Variants in CTBP2 observed in about 807,000 individuals in gnomAD.
CTBP2 encodes C-terminal-binding protein 2.
CTBP2 carries 30 observed loss-of-function variants against 80.3 expected under a neutral mutation model. The observed-to-expected ratio is 0.37, with a 90% confidence interval of 0.28 to 0.51. CTBP2 has a LOEUF of 0.51. CTBP2 is among the 20% of genes least tolerant of loss of function. The pLI, the probability that CTBP2 is intolerant of heterozygous loss-of-function variation, is 0.93. For missense variants in CTBP2, 1,212 were observed against 1,375.3 expected (o/e 0.88, Z 1.88); for synonymous variants, 594 against 587.4 (o/e 1.01, Z -0.16).
chr10:125,107,287 G>A (rs574672257), intron 2 of CTBP2, among the ~76,000 whole-genome samples: 4 of 152,170 alleles, frequency 2.6e-5, no homozygotes, highest in African/African-American at 7.2e-5. Context: ...TTGTGGTTTC[G>A]GATGTTGGCA....
chr10:125,003,005 C>T lies in CTBP2; in HGVS notation c.1933G>A (p.Gly645Ser), dbSNP rs1954739427. 6.2e-7 allele frequency: 1 copy of T among 1,613,960 alleles called. No homozygotes were observed. Among genetic ancestry groups the T allele is most frequent in the Non-Finnish European group, 8.5e-7 (1 of 1,180,014 alleles). ...ATGTCCACGTTGTCATAGCCACTGC[C>T]TATCCGCACGATCACTCTCAGGGCC... Residue 645 changes from glycine (G) to serine (S), a missense_variant, in exon 3 of 9, where the codon GGC becomes AGC. By Grantham distance (56) the Gly-to-Ser change is moderately conservative. Around this residue, in one of 3 missense-constraint regions of CTBP2, gnomAD observed 335 missense variants for 504.7 expected, o/e 0.66. Transcript: ENST00000309035.
intron 2 of CTBP2, among the ~76,000 whole-genome samples, chr10:125,110,596 T>C (rs1208393503): frequency 1.3e-5 from 2 of 152,226 alleles, no homozygotes; most frequent in Non-Finnish European, 2.9e-5. Context: ...CTATCACTTA[T>C]GACTGACTCG....
chr10:125,118,666 A>G (rs1276092343), intron 1 of CTBP2, among the ~76,000 whole-genome samples: 2 of 140,106 alleles, frequency 1.4e-5, no homozygotes, highest in Non-Finnish European at 3.1e-5. Context: ...CTACTTACAG[A>G]CAAGCCAGGA....
intron 2 of CTBP2, among the ~76,000 whole-genome samples, chr10:125,103,893 C>G (rs1292864827): frequency 6.6e-6 from 1 of 152,168 alleles, no homozygotes; most frequent in Non-Finnish European, 1.5e-5. Flanking sequence ...TGAAGAGCCT[C>G]TCCCCCTACA....
chr10:125,005,886 G>A (rs929661925), intron 1 of CTBP2: 4 of 1,530,904 alleles, frequency 2.6e-6, no homozygotes, highest in Admixed American at 4.1e-5. Context: ...GGTTATCGGA[G>A]AGAGTGCCTG....
intron 1 of CTBP2, among the ~76,000 whole-genome samples, chr10:125,017,105 G>T (rs1956574325): frequency 6.6e-6 from 1 of 152,190 alleles, no homozygotes; most frequent in Non-Finnish European, 1.5e-5. Flanking sequence ...AACCCCGGGG[G>T]AAGTCAGCGC....
intron 1 of CTBP2, among the ~76,000 whole-genome samples, chr10:125,145,384 C>T (rs1014569501): frequency 6.6e-6 from 1 of 152,118 alleles, no homozygotes; most frequent in East Asian, 1.9e-4. Flanking sequence ...CTTTTGAGCA[C>T]CCCCAACCCC....
rs760489730 is a variant in CTBP2, at chr10:125,003,010, C to T, written c.1928G>A (p.Arg643Gln). The change falls in exon 3 of 9, where the codon CGG becomes CAG. Residue 643 changes from arginine to glutamine, a missense_variant. Around this residue, in one of 3 missense-constraint regions of CTBP2, gnomAD observed 335 missense variants for 504.7 expected, o/e 0.66. Transcript: ENST00000309035. Reference sequence around the variant, plus strand: ...CACGTTGTCATAGCCACTGCCTATCCGCACGATCACTCTCAGGGCCTTGAA... The same window carrying T: ...CACGTTGTCATAGCCACTGCCTATCTGCACGATCACTCTCAGGGCCTTGAA... 3.1e-6 allele frequency: 5 copies of T among 1,613,976 alleles called. No individual in the cohort carries two copies. Among genetic ancestry groups the T allele is most frequent in the Non-Finnish European group, 2.5e-6 (3 of 1,180,022 alleles).
At chr10:125,051,377 C>A (rs538321858) in intron 2 of CTBP2, among the ~76,000 whole-genome samples, 10 of 152,204 alleles carry the variant, frequency 6.6e-5, no homozygotes, top group African/African-American at 2.4e-4. Flanking sequence ...TGGTGGCTCA[C>A]GCCTGTAATC....
intron 2 of CTBP2, among the ~76,000 whole-genome samples, chr10:125,093,617 C>T (rs1308837439): frequency 2.0e-5 from 3 of 152,190 alleles, no homozygotes; most frequent in Admixed American, 6.5e-5. Context: ...TCCCTTCTTT[C>T]GACACAGCTG....
In CTBP2 at chr10:125,045,517, C is replaced by G. The variant is rs532102491; in HGVS notation, c.-101-6362G>C. On this transcript the variant is annotated intron_variant, in intron 2 of 10. Transcript: ENST00000337195. ...TGCCCTAAAGGTAACTAGCAGGACC[C>G]TTTCTTTCTTTTTTGGAGACAGATT... Among the ~76,000 whole-genome samples the G allele has an allele frequency of 5.3e-5, 8 of 152,088 alleles. No individual in the cohort carries two copies. The South Asian group carries it at 1.7e-3, about 32-fold the overall frequency.
At chr10:125,047,731 TATA>T (rs1299214940) in intron 2 of CTBP2, among the ~76,000 whole-genome samples, 2 of 152,356 alleles carry the variant, frequency 1.3e-5, no homozygotes, top group Non-Finnish European at 2.9e-5. Flanking sequence ...TCATATAGTA[TATA>T]ATAAATTATT....
intron 1 of CTBP2, among the ~76,000 whole-genome samples, chr10:125,151,275 G>C (rs1565052058): frequency 2.0e-5 from 3 of 152,130 alleles, no homozygotes; most frequent in Admixed American, 6.5e-5. Context: ...TCTGCGCTCG[G>C]ACAACCTCTA....
chr10:125,045,913 C>A (rs1464575164), intron 2 of CTBP2, among the ~76,000 whole-genome samples: 1 of 151,948 alleles, frequency 6.6e-6, no homozygotes, highest in East Asian at 1.9e-4. Flanking sequence ...TGGTCACACC[C>A]TGGTCACATG....
At chr10:125,073,297 G>A (rs1479957611) in intron 2 of CTBP2, among the ~76,000 whole-genome samples, 4 of 152,294 alleles carry the variant, frequency 2.6e-5, no homozygotes, top group East Asian at 1.9e-4. Flanking sequence ...GTGCAGTGAC[G>A]CCATCTTGGC....
At chr10:125,142,103 T>G (rs1857931811) in intron 1 of CTBP2, among the ~76,000 whole-genome samples, 1 of 152,158 alleles carries the variant, frequency 6.6e-6, no homozygotes, top group Non-Finnish European at 1.5e-5. Context: ...GGCCCAGAAC[T>G]GCCCACTCTT....
In CTBP2 at chr10:124,985,093, A is replaced by C. The variant is rs2134008533; in HGVS notation, c.*4425T>G. On this transcript the variant is annotated 3_prime_UTR_variant, in exon 9 of 9. Coordinates refer to ENST00000309035, the MANE Select transcript of CTBP2 (RefSeq NM_022802.3). ...GAGTCGACATCATGGAATGAACCAA[A>C]TCTGGCAGGATCTGCTCGGGGAAGT... 2 of 855,256 alleles carry C rather than the reference A, an allele frequency of 2.3e-6. No homozygotes were observed. Among genetic ancestry groups the C allele is most frequent in the Non-Finnish European group, 3.7e-6 (2 of 545,088 alleles). The allele number at this position is 855,256 out of a possible 1,614,324, so 53.0% of individuals were successfully genotyped here.
chr10:125,120,165 G>A (rs1049672149), intron 1 of CTBP2, among the ~76,000 whole-genome samples: 2 of 152,200 alleles, frequency 1.3e-5, no homozygotes, highest in Admixed American at 1.3e-4. Flanking sequence ...GACTGATGCC[G>A]GGAAAGAGGC....
upstream of CTBP2, among the ~76,000 whole-genome samples, chr10:125,031,823 C>T (rs1958257175): frequency 6.6e-6 from 1 of 152,214 alleles, no homozygotes; most frequent in Non-Finnish European, 1.5e-5. Flanking sequence ...GGCACCCACG[C>T]AACGCGCCAA....
Sources: allele counts gnomAD v4.1 joint callset (sites outside exome capture counted in the v4.1 genomes callset), GRCh38; gene constraint gnomAD v4.1.1; regional missense constraint gnomAD v4.1.1; transcripts MANE v1.5; gene names NCBI Gene and HGNC (gene_info 2026-07-23, HGNC 2026-07-21).